The following ELL variants were observed in gnomAD, a reference collection of about 807,000 sequenced individuals.
ELL encodes elongation factor for RNA polymerase II, also known as RNA polymerase II elongation factor ELL.
A neutral mutation model predicts 64.0 loss-of-function variants in ELL; 18 were observed. The ratio of observed to expected loss-of-function variants is 0.28; its 90% confidence interval spans 0.19 to 0.42. The LOEUF (loss-of-function observed/expected upper bound fraction) is 0.42, where lower values mean the gene tolerates loss of function less well. Among genes scored for constraint, ELL ranks in the 10% least tolerant of loss-of-function variants. The probability of loss-of-function intolerance (pLI) is 1.00; values close to 1 mark genes in which losing one functional copy is unlikely to be tolerated. For synonymous variants in ELL, 399 were observed against 376.2 expected, an observed-to-expected ratio of 1.06 and a Z score of -0.70; for missense variants, 797 against 870.4, an observed-to-expected ratio of 0.92 and a Z score of 1.06.
At position 18,465,574 on chromosome 19, in the gene ELL, GACT is replaced by G; in HGVS notation, c.306-2_306del. On this transcript the variant is annotated splice_acceptor_variant and coding_sequence_variant, in exon 4 of 12. Coordinates refer to ENST00000262809, the MANE Select transcript of ELL (RefSeq NM_006532.4). LOFTEE classifies it high-confidence loss of function. ...AGGCAGTCCAGGTGAACTTCCCCAT[GACT>G]GCAAGACAAGGCCAGGAGCTGGGGT... 1 of 1,585,716 alleles carries G rather than the reference GACT, an allele frequency of 6.3e-7. No homozygotes were observed. The highest frequency in any genetic ancestry group is 8.6e-7 in the Non-Finnish European group (1 of 1,159,130).
intron 1 of ELL, 141 bp from the exon 2 acceptor site, chr19:18,473,023 T>A (rs1975098134): frequency 9.5e-7 from 1 of 1,047,724 alleles, no homozygotes; most frequent in Non-Finnish European, 1.4e-6. Context: ...ATGCACACAC[T>A]CTGAAAATTA....
In ELL at chr19:18,505,179, C is replaced by A. The variant is rs144256211; in HGVS notation, c.135+16742G>T. On this transcript the variant is annotated intron_variant, in intron 1 of 11. Transcript: ENST00000262809. Reference sequence around the variant, plus strand: ...ACACAAGCCACTGTCCCGTAGCCCCCACTCCTCTCCCATCCTCTCCTCCCC... The same window carrying A: ...ACACAAGCCACTGTCCCGTAGCCCCAACTCCTCTCCCATCCTCTCCTCCCC... 4.8e-4 allele frequency among the ~76,000 whole-genome samples: 73 copies of A among 152,304 alleles called. No individual in the cohort carries two copies. In the East Asian group the frequency reaches 5.8e-3, roughly 12 times the overall value.
chr19:18,488,746 G>A (rs1600480023), intron 1 of ELL, among the ~76,000 whole-genome samples: 1 of 151,720 alleles, frequency 6.6e-6, no homozygotes. Context: ...AGCAAAGGAG[G>A]AGACTGAGGC....
At chr19:18,496,229 A>G (rs1438392979) in intron 1 of ELL, among the ~76,000 whole-genome samples, 1 of 152,208 alleles carries the variant, frequency 6.6e-6, no homozygotes, top group Non-Finnish European at 1.5e-5. Context: ...TGTGACGGCC[A>G]TGCCTGAGTG....
At chr19:18,498,846 A>G (rs2144962549) in intron 1 of ELL, among the ~76,000 whole-genome samples, 1 of 152,312 alleles carries the variant, frequency 6.6e-6, no homozygotes, top group South Asian at 2.1e-4. Flanking sequence ...GTTACTTGGG[A>G]GGCTGAGGCA....
chr19:18,472,748 C>T, intron 2 of ELL, 87 bp downstream of exon 2: 1 of 1,471,780 alleles, frequency 6.8e-7, no homozygotes, highest in Non-Finnish European at 9.3e-7. Flanking sequence ...CTGCCATGAG[C>T]TGCTGCTGTA....
rs531767990 is a variant in ELL at position 18,446,631 on chromosome 19, G to A, written c.1532+117C>T. On this transcript the variant is annotated intron_variant, in intron 9 of 11. Transcript: ENST00000262809. ...GGCCCAGAAGAGGCTGCTATGTTTG[G>A]AATTCACATACTCAGACTTGCAGTG... is the stretch of plus-strand genomic sequence containing the variant. 9.3e-6 allele frequency: 14 copies of A among 1,498,952 alleles called. No homozygotes were observed. The South Asian group carries it at 1.3e-4, about 14-fold the overall frequency. The allele number at this position is 1,498,952 out of a possible 1,614,324, so 92.9% of individuals were successfully genotyped here.
Position 18,443,751 on chromosome 19 carries a change from C to G in ELL, c.*1001G>C, listed in dbSNP as rs78612005. 0.014 allele frequency: 3,196 copies of G among 233,238 alleles called. 30 individuals carry two copies. Among genetic ancestry groups the G allele is most frequent in the Non-Finnish European group, 0.021 (2,452 of 117,976 alleles). The allele number at this position is 233,238 out of a possible 1,614,324, so 14.4% of individuals were successfully genotyped here. ...CTCTGCCCATGGGTCCCTGGGGCCT[C>G]CCTGACCCCATGGCGCCCAGCCCTC... is the stretch of plus-strand genomic sequence containing the variant. On this transcript the variant is annotated 3_prime_UTR_variant, in exon 12 of 12. Coordinates refer to ENST00000262809, the MANE Select transcript of ELL (RefSeq NM_006532.4).
chr19:18,505,822 G>GAA, intron 1 of ELL, among the ~76,000 whole-genome samples: 3 of 152,184 alleles, frequency 2.0e-5, no homozygotes, highest in Non-Finnish European at 2.9e-5. Flanking sequence ...AATGTGAGTT[G>GAA]CAGGAGGGGC....
At chr19:18,508,803 T>A (rs1274793558) in intron 1 of ELL, among the ~76,000 whole-genome samples, 1 of 152,244 alleles carries the variant, frequency 6.6e-6, no homozygotes, top group East Asian at 1.9e-4. Flanking sequence ...GCTGTGTCCC[T>A]ATAAAACTTT....
Position 18,509,590 on chromosome 19 carries a change from CGCGCACAT to C in ELL, c.135+12323_135+12330del, listed in dbSNP as rs1392470553. Among the ~76,000 whole-genome samples, 135 of 112,988 alleles carry C rather than the reference CGCGCACAT, an allele frequency of 1.2e-3. 2 individuals are homozygous for C. Among genetic ancestry groups the C allele is most frequent in the Admixed American group, 2.9e-3 (34 of 11,880 alleles). The allele number at this position is 112,988 out of a possible 152,430, so 74.1% of individuals were successfully genotyped here. A position where few individuals can be genotyped will look rare whatever the true frequency, so the allele number is the denominator to read the frequency against. ...ACACAGGCCAATGCACGTGCGCGCG[CGCGCACAT>C]ACACACACACACACACACACACACA... On this transcript the variant is annotated intron_variant, in intron 1 of 11. Transcript: ENST00000262809.
At chr19:18,486,955 C>A (rs571157855) in intron 1 of ELL, among the ~76,000 whole-genome samples, 148 of 152,322 alleles carry the variant, frequency 9.7e-4, no homozygotes, top group Non-Finnish European at 1.6e-3. Context: ...CCCACATGCG[C>A]CTCTGCAGCC....
At chr19:18,484,502 G>A (rs368155554) in intron 1 of ELL, among the ~76,000 whole-genome samples, 1 of 152,110 alleles carries the variant, frequency 6.6e-6, no homozygotes, top group Non-Finnish European at 1.5e-5. Flanking sequence ...TTAGCCAGGT[G>A]TGGTAATGCG....
At chr19:18,467,362 C>A (rs890252756) in intron 2 of ELL, among the ~76,000 whole-genome samples, 2 of 152,064 alleles carry the variant, frequency 1.3e-5, no homozygotes, top group African/African-American at 2.4e-5. Flanking sequence ...AACATGTCCC[C>A]CTAAGGCAGG....
chr19:18,459,831 G>T lies in ELL; in HGVS notation c.745-1502C>A, dbSNP rs34275154. Among the ~76,000 whole-genome samples, 186 of 152,270 alleles carry T rather than the reference G, an allele frequency of 1.2e-3. 3 individuals carry two copies. The South Asian group carries it at 0.013, about 11-fold the overall frequency. ...GTGAGCCACCGCGCCCGGCCCATGG[G>T]GAGCATTTTTAACAGTTGAGTAATA... On this transcript the variant is annotated intron_variant, in intron 5 of 11. Transcript: ENST00000262809.
intron 1 of ELL, among the ~76,000 whole-genome samples, chr19:18,515,990 C>A (rs1373997673): frequency 6.6e-6 from 1 of 152,186 alleles, no homozygotes; most frequent in African/African-American, 2.4e-5. Flanking sequence ...CCAGGGCCAA[C>A]AGGGGCAGCA....
intron 1 of ELL, among the ~76,000 whole-genome samples, chr19:18,500,106 AC>A (rs1975749840): frequency 1.3e-5 from 2 of 152,182 alleles, no homozygotes; most frequent in African/African-American, 4.8e-5. Flanking sequence ...TACTAAAAAT[AC>A]AAAAATTATC....
At chr19:18,502,210 C>A (rs1436450524) in intron 1 of ELL, among the ~76,000 whole-genome samples, 1 of 152,180 alleles carries the variant, frequency 6.6e-6, no homozygotes, top group Non-Finnish European at 1.5e-5. Flanking sequence ...CGCACACCCC[C>A]AGTCCAGCAC....
intron 11 of ELL, 151 bp from the exon 12 acceptor site, chr19:18,445,019 C>T (rs1974383400): frequency 9.2e-7 from 1 of 1,085,512 alleles, no homozygotes; most frequent in Non-Finnish European, 1.3e-6. Context: ...AGTTGGTCCC[C>T]CGCACCTCCA....
Sources: allele counts gnomAD v4.1 joint callset (sites outside exome capture counted in the v4.1 genomes callset), GRCh38; gene constraint gnomAD v4.1.1; transcripts MANE v1.5; gene names NCBI Gene and HGNC (gene_info 2026-07-23, HGNC 2026-07-21).